MMP1: variants seen among roughly 807,000 people sequenced by gnomAD.
The protein encoded by MMP1 is matrix metallopeptidase 1.
Under a neutral mutation model 49.6 loss-of-function variants are expected in MMP1, and 51 were observed. That is an observed-to-expected ratio of 1.03 (90% CI 0.82 to 1.30). MMP1 has a LOEUF of 1.30. Ranked by LOEUF, MMP1 falls within the 50% of genes most tolerant of loss-of-function variation. MMP1 has a pLI of 0.00. For missense variants in MMP1, 623 were observed against 568.7 expected, an observed-to-expected ratio of 1.10 and a Z score of -0.97; for synonymous variants, 230 against 196.8, an observed-to-expected ratio of 1.17 and a Z score of -1.41.
In MMP1 at chr11:102,791,443, C is replaced by T. The variant is rs757824544; in HGVS notation, c.1086G>A (p.Lys362=). ...QGQNVLHGYP[K]DIYSSFGFPR... is the part of the protein sequence containing the mutation. ...GGAAGCCAAAGGAGCTGTAGATGTCCTTGGGGTATCCGTGTAGCACATTCT... is the reference window on the plus strand; with the variant it reads ...GGAAGCCAAAGGAGCTGTAGATGTCTTTGGGGTATCCGTGTAGCACATTCT... The change falls in exon 8 of 10, where the codon AAG becomes AAA. Residue 362 remains lysine (K), a synonymous_variant. Transcript: ENST00000315274. 6.2e-7 allele frequency: 1 copy of T among 1,613,996 alleles called. No homozygotes were observed. Among genetic ancestry groups the T allele is most frequent in the Non-Finnish European group, 8.5e-7 (1 of 1,179,868 alleles).
chr11:102,795,721 C>T, intron 4 of MMP1, 114 bp from the exon 5 acceptor site: 1 of 908,706 alleles, frequency 1.1e-6, no homozygotes. Flanking sequence ...TTATCAGTGA[C>T]TTTTGAAATA....
In MMP1 at chr11:102,797,097, T is replaced by C. The variant is rs1204915667; in HGVS notation, c.416A>G (p.Gln139Arg). Residue 139 changes from glutamine to arginine, a missense_variant, in exon 3 of 10, where the codon CAA becomes CGA. Gln to Arg is a conservative substitution (Grantham distance 43). Coordinates refer to ENST00000315274, the MANE Select transcript of MMP1 (RefSeq NM_002421.4). ...DVDHAIEKAF[Q>R]LWSNVTPLTF... is the part of the protein sequence containing the mutation. ...CAGAGGTGTGACATTACTCCAGAGT[T>C]GGAAGGCTTTCTCAATGGCATGGTC... The C allele has an allele frequency of 6.2e-7, 1 of 1,614,196 alleles. No homozygotes were observed.
intron 2 of MMP1, 43 bp downstream of exon 2, chr11:102,797,213 T>C (rs374046982): frequency 3.7e-6 from 6 of 1,613,574 alleles, no homozygotes; most frequent in Non-Finnish European, 4.2e-6. Flanking sequence ...CTTACCACTG[T>C]CATGGGAAAT....
chr11:102,791,692 T>A (rs1035511397), intron 7 of MMP1, among the ~76,000 whole-genome samples, 197 bp from the exon 8 acceptor site: 3 of 152,160 alleles, frequency 2.0e-5, no homozygotes, highest in Admixed American at 1.3e-4. Flanking sequence ...TTTGGAAGCT[T>A]CTTAGTTGAT....
At chr11:102,792,770 T>G in intron 6 of MMP1, 32 bp from the exon 7 acceptor site, 1 of 1,603,082 alleles carries the variant, frequency 6.2e-7, no homozygotes, top group Non-Finnish European at 8.5e-7. Context: ...AAAGTTTCCA[T>G]CTAATTTCTG....
chr11:102,795,162 C>G lies in MMP1; in HGVS notation c.899+12G>C. 1 of 1,576,448 alleles carries G rather than the reference C, an allele frequency of 6.3e-7. No individual in the cohort carries two copies. Among genetic ancestry groups the G allele is most frequent in the Middle Eastern group, 1.7e-4 (1 of 5,944 alleles). On this transcript the variant is annotated intron_variant, in intron 6 of 9. Coordinates refer to ENST00000315274, the MANE Select transcript of MMP1 (RefSeq NM_002421.4). Reference sequence around the variant, plus strand: ...TACAAATGCAGATCACAAAGAAGAACTGACATCTTACCTGTCTTTAAAGAA... The same window carrying G: ...TACAAATGCAGATCACAAAGAAGAAGTGACATCTTACCTGTCTTTAAAGAA...
chr11:102,790,778 G>C lies in MMP1; in HGVS notation c.1225C>G (p.Pro409Ala), dbSNP rs1565459273. Reference sequence around the variant, plus strand: ...TGTGCTATCATTTTGGGATAACCTGGATCCATAGATCGTTTATATTCATCA... The same window carrying C: ...TGTGCTATCATTTTGGGATAACCTGCATCCATAGATCGTTTATATTCATCA... ...RYDEYKRSMD[P>A]GYPKMIAHDF... Residue 409 changes from proline (P) to alanine (A), a missense_variant, in exon 9 of 10, where the codon CCA becomes GCA. Coordinates refer to ENST00000315274, the MANE Select transcript of MMP1 (RefSeq NM_002421.4). 1 of 1,612,246 alleles carries C rather than the reference G, an allele frequency of 6.2e-7. No homozygotes were observed. Among genetic ancestry groups the C allele is most frequent in the Non-Finnish European group, 8.5e-7 (1 of 1,178,384 alleles).
Position 102,796,332 on chromosome 11 carries a change from C to T in MMP1, c.625+332G>A, listed in dbSNP as rs996999. 0.19 allele frequency among the ~76,000 whole-genome samples: 29,353 copies of T among 152,180 alleles called. 3,172 individuals are homozygous for T. The highest frequency in any genetic ancestry group is 0.46 in the East Asian group (2,384 of 5,180). ...GGAAAACACAAAAAGCCTTCCTTTT[C>T]TTTAATTTCCACATAAGTTTATGAC... On this transcript the variant is annotated intron_variant, in intron 4 of 9. Transcript: ENST00000315274.
At chr11:102,791,019 G>T (rs1858014441) in intron 8 of MMP1, among the ~76,000 whole-genome samples, 1 of 152,206 alleles carries the variant, frequency 6.6e-6, no homozygotes, top group South Asian at 2.1e-4. Flanking sequence ...TCTCCAGTAG[G>T]TTCTACGCTA....
chr11:102,797,890 C>T, intron 1 of MMP1, 98 bp downstream of exon 1: 1 of 886,252 alleles, frequency 1.1e-6, no homozygotes, highest in South Asian at 1.9e-5. Flanking sequence ...AAAAAAATCT[C>T]TTTATAAGAA....
chr11:102,796,809 A>G lies in MMP1; in HGVS notation c.500-20T>C. 1 of 1,610,164 alleles carries G rather than the reference A, an allele frequency of 6.2e-7. No individual in the cohort carries two copies. Among genetic ancestry groups the G allele is most frequent in the Non-Finnish European group, 8.5e-7 (1 of 1,178,692 alleles). On this transcript the variant is annotated intron_variant, in intron 3 of 9. Coordinates refer to ENST00000315274, the MANE Select transcript of MMP1 (RefSeq NM_002421.4). The stretch of plus-strand genomic sequence containing the variant: ...GATGATCTGAAAGAAACAATTCAAC[A>G]AAGATTCCTTGTGGTTCTTATGTAA...
At chr11:102,795,327 T>A in intron 5 of MMP1, 36 bp from the exon 6 acceptor site, 1 of 1,607,330 alleles carries the variant, frequency 6.2e-7, no homozygotes, top group Non-Finnish European at 8.5e-7. Flanking sequence ...TAGTTTTGCC[T>A]AGTATTAGAA....
intron 4 of MMP1, 133 bp downstream of exon 4, chr11:102,796,531 T>C (rs371950399): frequency 9.5e-7 from 1 of 1,048,562 alleles, no homozygotes; most frequent in Non-Finnish European, 1.3e-6. Context: ...TTTCTAAGTG[T>C]ATCACTAATT....
Position 102,794,635 on chromosome 11 carries a change from C to G in MMP1, c.899+539G>C, listed in dbSNP as rs1858129613. Among the ~76,000 whole-genome samples the G allele has an allele frequency of 6.6e-6, 1 of 152,124 alleles. No homozygotes were observed. The highest frequency in any genetic ancestry group is 1.9e-4 in the East Asian group (1 of 5,196). Reference sequence around the variant, plus strand: ...CTCTCTTCTCTTCTTCTCTGGGCCTCCAGGGGGCAACAGAGACCCTTCAAG... The same window carrying G: ...CTCTCTTCTCTTCTTCTCTGGGCCTGCAGGGGGCAACAGAGACCCTTCAAG... On this transcript the variant is annotated intron_variant, in intron 6 of 9. Coordinates refer to ENST00000315274, the MANE Select transcript of MMP1 (RefSeq NM_002421.4). This position sits in a 1 kb window ranked among gnomAD's most constrained non-coding sequence, Gnocchi z 4.3.
Position 102,791,346 on chromosome 11 carries a change from T to C in MMP1, c.1183A>G (p.Asn395Asp), listed in dbSNP as rs1286060652. ...NTGKTYFFVA[N>D]KYWRYDEYKR... is the part of the protein sequence containing the mutation. ...ACTTAAACTTACCTCCAGTATTTGTTAGCAACAAAGAAGTAGGTTTTTCCA... is the reference window on the plus strand; with the variant it reads ...ACTTAAACTTACCTCCAGTATTTGTCAGCAACAAAGAAGTAGGTTTTTCCA... Residue 395 changes from asparagine (N) to aspartate (D), a missense_variant, in exon 8 of 10, where the codon AAC becomes GAC. Coordinates refer to ENST00000315274, the MANE Select transcript of MMP1 (RefSeq NM_002421.4). The C allele has an allele frequency of 6.2e-7, 1 of 1,613,940 alleles. No individual in the cohort carries two copies. Among genetic ancestry groups the C allele is most frequent in the South Asian group, 1.1e-5 (1 of 91,076 alleles).
At chr11:102,792,560 A>C in intron 7 of MMP1, 45 bp downstream of exon 7, 3 of 1,592,576 alleles carry the variant, frequency 1.9e-6, no homozygotes, top group Non-Finnish European at 2.6e-6. Flanking sequence ...AAAGGGAATG[A>C]AAAATTGATT....
intron 8 of MMP1, 76 bp downstream of exon 8, chr11:102,791,257 A>G (rs1858021168): frequency 6.6e-7 from 1 of 1,524,652 alleles, no homozygotes; most frequent in East Asian, 2.3e-5. Flanking sequence ...TTTGAGACTC[A>G]CTTTGAAATG....
intron 7 of MMP1, 126 bp from the exon 8 acceptor site, chr11:102,791,621 G>A (rs201919809): frequency 4.8e-6 from 5 of 1,036,944 alleles, no homozygotes; most frequent in Admixed American, 2.3e-5. Flanking sequence ...GAATCATCTA[G>A]GGAGATTTTT....
Position 102,791,514 on chromosome 11 carries a change from T to A in MMP1, c.1034-19A>T. ...TTATTCCCTGCCAATCAAGAAAGAGTGATAAAACACTTGCCTAAGACTTCA... is the reference window on the plus strand; with the variant it reads ...TTATTCCCTGCCAATCAAGAAAGAGAGATAAAACACTTGCCTAAGACTTCA... On this transcript the variant is annotated intron_variant, in intron 7 of 9. Transcript: ENST00000315274. The A allele has an allele frequency of 6.2e-7, 1 of 1,609,368 alleles. No homozygotes were observed. Among genetic ancestry groups the A allele is most frequent in the Non-Finnish European group, 8.5e-7 (1 of 1,177,750 alleles).
Sources: allele counts gnomAD v4.1 joint callset (sites outside exome capture counted in the v4.1 genomes callset), GRCh38; gene constraint gnomAD v4.1.1; non-coding constraint Gnocchi (gnomAD v3.1); transcripts MANE v1.5; gene names NCBI Gene and HGNC (gene_info 2026-07-23, HGNC 2026-07-21).